The following DIP2C variants were observed in gnomAD, a reference collection of about 807,000 sequenced individuals.
The protein encoded by DIP2C is disco-interacting protein 2 homolog C.
Under a neutral mutation model 192.4 loss-of-function variants are expected in DIP2C, and 33 were observed. That is an observed-to-expected ratio of 0.17 (90% CI 0.13 to 0.23). The LOEUF is 0.23. Among genes scored for constraint, DIP2C ranks in the 10% least tolerant of loss-of-function variants. DIP2C has a pLI of 1.00. For synonymous variants in DIP2C, 979 were observed against 864.1 expected (o/e 1.13, Z -2.33); for missense variants, 1,537 against 2,110.1 (o/e 0.73, Z 5.32).
At chr10:639,396 G>A (rs1428708792) in intron 1 of DIP2C, among the ~76,000 whole-genome samples, 1 of 140,266 alleles carries the variant, frequency 7.1e-6, no homozygotes, top group Non-Finnish European at 1.5e-5. Flanking sequence ...GTGTCAGGTC[G>A]GGAGAGTGCT....
At position 595,580 on chromosome 10, in the gene DIP2C, C is replaced by G. The variant is rs527963649; in HGVS notation, c.85+93914G>C. Among the ~76,000 whole-genome samples the G allele has an allele frequency of 1.8e-4, 27 of 152,208 alleles. 1 individual carries two copies. The South Asian group carries it at 4.0e-3, about 22-fold the overall frequency. On this transcript the variant is annotated intron_variant, in intron 1 of 36. Transcript: ENST00000280886. ...AAATGATTTTGCATCTACCTTGAAG[C>G]CTTTTTAGAACAAGGCAGGACACAA...
At chr10:483,164 AAAC>A (rs1050128616) in intron 2 of DIP2C, among the ~76,000 whole-genome samples, 8 of 152,348 alleles carry the variant, frequency 5.3e-5, no homozygotes, top group East Asian at 1.9e-4. Flanking sequence ...TCTGCATCCC[AAAC>A]AACATCCTAG....
At chr10:381,418 G>A (rs747880932) in intron 17 of DIP2C, among the ~76,000 whole-genome samples, 47 of 152,130 alleles carry the variant, frequency 3.1e-4, no homozygotes, top group South Asian at 2.1e-4. Context: ...AATCCTTTTC[G>A]GTCCTTCGGT....
At chr10:409,723 C>CA (rs889419475) in intron 8 of DIP2C, among the ~76,000 whole-genome samples, 23 of 152,340 alleles carry the variant, frequency 1.5e-4, no homozygotes, top group African/African-American at 5.3e-4. Context: ...CGAGAGGCTC[C>CA]AAACTCACAA....
intron 1 of DIP2C, among the ~76,000 whole-genome samples, chr10:604,624 ATCT>A (rs1368776347): frequency 6.6e-6 from 1 of 152,250 alleles, no homozygotes; most frequent in Non-Finnish European, 1.5e-5. Context: ...ATTTAACTAG[ATCT>A]TATTACAAAA....
intron 1 of DIP2C, among the ~76,000 whole-genome samples, chr10:533,266 T>C (rs1360323237): frequency 6.6e-6 from 1 of 152,012 alleles, no homozygotes; most frequent in East Asian, 1.9e-4. Context: ...CGTGTTAGAA[T>C]CATCACCACC....
At chr10:550,809 GAAGC>G (rs1165497370) in intron 1 of DIP2C, among the ~76,000 whole-genome samples, 1 of 152,232 alleles carries the variant, frequency 6.6e-6, no homozygotes, top group Non-Finnish European at 1.5e-5. Context: ...AAGCAACAGG[GAAGC>G]AAGAAGAGGG....
chr10:470,905 T>A (rs1468322963), intron 3 of DIP2C, among the ~76,000 whole-genome samples: 1 of 152,188 alleles, frequency 6.6e-6, no homozygotes, highest in African/African-American at 2.4e-5. Context: ...CCTGCGTGCA[T>A]GTCTGGGTGT....
At chr10:415,637 TG>T in intron 7 of DIP2C, 131 bp downstream of exon 7, 1 of 1,256,002 alleles carries the variant, frequency 8.0e-7, no homozygotes, top group Non-Finnish European at 1.1e-6. Context: ...GCTCCCTACC[TG>T]GGTTCCCATC....
chr10:614,705 C>G (rs1309763972), intron 1 of DIP2C, among the ~76,000 whole-genome samples: 3 of 152,256 alleles, frequency 2.0e-5, no homozygotes, highest in African/African-American at 7.2e-5. Context: ...GTGTGTTTAG[C>G]TGTGTAATCA....
chr10:303,353 A>G (rs769981678), intron 32 of DIP2C, among the ~76,000 whole-genome samples: 1 of 152,246 alleles, frequency 6.6e-6, no homozygotes, highest in Non-Finnish European at 1.5e-5. Context: ...CACTAAATCT[A>G]TAAGAAAATT....
At position 309,360 on chromosome 10, in the gene DIP2C, T is replaced by G. The variant is rs571199625; in HGVS notation, c.3986+671A>C. Reference sequence around the variant, plus strand: ...AGGTAACCTGACCCCTAACCCCTATTTCAAGCATCTTGACAAAACATTTCC... The same window carrying G: ...AGGTAACCTGACCCCTAACCCCTATGTCAAGCATCTTGACAAAACATTTCC... On this transcript the variant is annotated intron_variant, in intron 32 of 36. Coordinates refer to ENST00000280886, the MANE Select transcript of DIP2C (RefSeq NM_014974.3). 1.1e-3 allele frequency among the ~76,000 whole-genome samples: 161 copies of G among 152,086 alleles called. No individual in the cohort carries two copies. The South Asian group carries it at 0.013, about 13-fold the overall frequency.
chr10:658,221 G>A (rs1356501139), intron 1 of DIP2C, among the ~76,000 whole-genome samples: 2 of 151,306 alleles, frequency 1.3e-5, no homozygotes, highest in Non-Finnish European at 1.5e-5. Context: ...CCCTGGACCT[G>A]CCGCTGGACC....
intron 28 of DIP2C, among the ~76,000 whole-genome samples, chr10:342,323 T>TA (rs1315871102): frequency 6.6e-6 from 1 of 152,148 alleles, no homozygotes; most frequent in African/African-American, 2.4e-5. Flanking sequence ...CACGCCCGGC[T>TA]AATTTTTTGT....
At chr10:474,569 G>GCTCA (rs111491777) in intron 2 of DIP2C, among the ~76,000 whole-genome samples, 129,704 of 151,856 alleles carry the variant, frequency 0.85, 57,859 homozygotes, top group Non-Finnish European at 0.97. Context: ...GGCTGTGGCT[G>GCTCA]CTGTGTTGGT....
rs1274472054 is a variant in DIP2C at position 471,653 on chromosome 10, A to T, written c.268+786T>A. Among the ~76,000 whole-genome samples, 3 of 152,214 alleles carry T rather than the reference A, an allele frequency of 2.0e-5. No individual in the cohort carries two copies. In the East Asian group the frequency reaches 5.8e-4, roughly 29 times the overall value. ...CCCTCACCGGTGCCCTGGGAACTAC[A>T]AAAGAATTCACAGGTAATTTTCTTT... On this transcript the variant is annotated intron_variant, in intron 3 of 36. Transcript: ENST00000280886.
intron 1 of DIP2C, among the ~76,000 whole-genome samples, chr10:646,690 G>C (rs1313387439): frequency 6.6e-6 from 1 of 152,162 alleles, no homozygotes; most frequent in African/African-American, 2.4e-5. Flanking sequence ...ATTAAGCCAA[G>C]CAACTGAAAA....
intron 31 of DIP2C, 62 bp downstream of exon 31, chr10:326,944 G>C (rs1957297801): frequency 4.5e-6 from 7 of 1,562,586 alleles, no homozygotes; most frequent in Admixed American, 1.8e-5. Context: ...GAGCCAGTCT[G>C]TGCTGTACCC....
intron 1 of DIP2C, among the ~76,000 whole-genome samples, chr10:547,144 A>G (rs1043383545): frequency 2.0e-5 from 3 of 152,302 alleles, no homozygotes; most frequent in Admixed American, 2.0e-4. Flanking sequence ...AGAACATTCC[A>G]GAGGGAACCC....
Sources: gnomAD v4.1 joint callset for allele counts (sites outside exome capture counted in the v4.1 genomes callset) on GRCh38, gnomAD v4.1.1 for gene constraint, MANE v1.5 for transcripts, NCBI Gene and HGNC (gene_info 2026-07-23, HGNC 2026-07-21) for gene names.